MAN2A1: variants seen among roughly 807,000 people sequenced by gnomAD.
The protein encoded by MAN2A1 is alpha-mannosidase 2.
Under a neutral mutation model 142.6 loss-of-function variants are expected in MAN2A1, and 76 were observed. The ratio of observed to expected loss-of-function variants is 0.53; its 90% CI spans 0.44 to 0.65. The LOEUF (loss-of-function observed/expected upper bound fraction) is 0.65, where lower values mean the gene tolerates loss of function less well. Among genes scored for constraint, MAN2A1 ranks in the 30% least tolerant of loss-of-function variants. The pLI, the probability that MAN2A1 is intolerant of heterozygous loss-of-function variation, is 0.00. For missense variants in MAN2A1, 1,311 were observed against 1,365.1 expected (o/e 0.96, Z 0.62); for synonymous variants, 559 against 473.2 (o/e 1.18, Z -2.35).
chr5:109,756,586 A>G lies in MAN2A1; in HGVS notation c.835+1130A>G, dbSNP rs561999403. Among the ~76,000 whole-genome samples the G allele has an allele frequency of 3.3e-5, 5 of 152,302 alleles. 1 individual carries two copies. The South Asian group carries it at 8.3e-4, about 25-fold the overall frequency. ...CATAAACCCTTCACCCAGATTTACC[A>G]GTTGTTAACATTTTGACACATTTAC... is the stretch of plus-strand genomic sequence containing the variant. On this transcript the variant is annotated intron_variant, in intron 5 of 21. Transcript: ENST00000261483.
At chr5:109,865,008 G>A (rs772028940) in intron 20 of MAN2A1, 28 bp from the exon 21 acceptor site, 209 of 1,442,710 alleles carry the variant, frequency 1.4e-4, no homozygotes, top group Middle Eastern at 8.7e-4. Flanking sequence ...TTGTCTGCGC[G>A]GTGTGACTGC....
intron 7 of MAN2A1, among the ~76,000 whole-genome samples, chr5:109,772,968 G>A (rs1753188854): frequency 6.6e-6 from 1 of 152,094 alleles, no homozygotes; most frequent in African/African-American, 2.4e-5. Flanking sequence ...TATATTTTAA[G>A]TTGGCTTTTT....
intron 4 of MAN2A1, among the ~76,000 whole-genome samples, chr5:109,734,415 T>C (rs961947988): frequency 5.9e-5 from 9 of 152,074 alleles, no homozygotes; most frequent in African/African-American, 2.2e-4. Flanking sequence ...TCTGCTAGCT[T>C]TTGAATGTGT....
At chr5:109,709,457 G>C (rs751882376) in intron 1 of MAN2A1, among the ~76,000 whole-genome samples, 2 of 152,208 alleles carry the variant, frequency 1.3e-5, no homozygotes, top group Non-Finnish European at 2.9e-5. Flanking sequence ...CAGGGAGAAG[G>C]AAAGGCACAC....
chr5:109,702,351 GTC>G (rs1751012368), intron 1 of MAN2A1, among the ~76,000 whole-genome samples: 2 of 148,000 alleles, frequency 1.4e-5, no homozygotes, highest in East Asian at 3.9e-4. Context: ...GTGTGTGTGT[GTC>G]TGTGTGTGTA....
At chr5:109,819,601 A>T in intron 13 of MAN2A1, 68 bp from the exon 14 acceptor site, 1 of 951,706 alleles carries the variant, frequency 1.1e-6, no homozygotes, top group Non-Finnish European at 1.5e-6. Context: ...TTTACCAAAA[A>T]TATAAATGGT....
chr5:109,850,937 AAG>A (rs1485952169), intron 19 of MAN2A1, among the ~76,000 whole-genome samples: 1 of 152,224 alleles, frequency 6.6e-6, no homozygotes, highest in East Asian at 1.9e-4. Context: ...AATAATTAAA[AAG>A]ACACTTAATT....
rs370531945 is a variant in MAN2A1, at chr5:109,842,386, C to T, written c.2625C>T (p.Asn875=). ...TTGTGGACATCCGAAAAGTATATAA[C>T]CGTGAGATTGCAATGAAAATTTCTT... ...SNIVDIRKVY[N]REIAMKISSD... is the part of the protein sequence containing the mutation. The change falls in exon 17 of 22, where the codon AAC becomes AAT. Residue 875 remains asparagine (N), a synonymous_variant. Transcript: ENST00000261483. 163 of 1,590,864 alleles carry T rather than the reference C, an allele frequency of 1.0e-4. 1 individual carries two copies. In the South Asian group the frequency reaches 1.7e-3, roughly 17 times the overall value.
At position 109,689,990 on chromosome 5, in the gene MAN2A1, C is replaced by G. The variant is rs2112528680; in HGVS notation, c.-428C>G. 5.8e-6 allele frequency: 1 copy of G among 172,092 alleles called. No individual in the cohort carries two copies. The allele number at this position is 172,092 out of a possible 1,614,324, so 10.7% of individuals were successfully genotyped here. On this transcript the variant is annotated 5_prime_UTR_variant, in exon 1 of 22. Transcript: ENST00000261483. Reference sequence around the variant, plus strand: ...CGGCCCGGGAGCTGCCGAACCCGCGCCTCCCCTGGGTGAGGAGGACACGCC... The same window carrying G: ...CGGCCCGGGAGCTGCCGAACCCGCGGCTCCCCTGGGTGAGGAGGACACGCC...
At chr5:109,863,956 C>T (rs771830181) in intron 20 of MAN2A1, 2 of 152,158 alleles carry the variant, frequency 1.3e-5, no homozygotes, top group Non-Finnish European at 2.9e-5. Flanking sequence ...TAGGTTATTC[C>T]AGCCAAGACT....
chr5:109,829,557 C>A (rs1393378878), intron 16 of MAN2A1, among the ~76,000 whole-genome samples: 1 of 152,180 alleles, frequency 6.6e-6, no homozygotes, highest in East Asian at 1.9e-4. Context: ...TTGATTGGAC[C>A]ATTTCCACCT....
chr5:109,802,920 A>C (rs1356942543), intron 12 of MAN2A1, among the ~76,000 whole-genome samples: 1 of 152,050 alleles, frequency 6.6e-6, no homozygotes, highest in Admixed American at 6.6e-5. Flanking sequence ...GGCAGTTTAA[A>C]GTTTATGATA....
rs1753240327 is a variant in MAN2A1 at position 109,774,830 on chromosome 5, T to G, written c.1239T>G (p.Leu413=). ...ATCAGTACCGAAAGAAGTCAAAGCTTTTTCGTACCAAAGTTCTCCTGGCTC... is the reference window on the plus strand; with the variant it reads ...ATCAGTACCGAAAGAAGTCAAAGCTGTTTCGTACCAAAGTTCTCCTGGCTC... ...LLDQYRKKSK[L]FRTKVLLAPL... is the part of the protein sequence containing the mutation. Residue 413 remains leucine, a synonymous_variant, in exon 8 of 22, where the codon CTT becomes CTG. Transcript: ENST00000261483. The G allele has an allele frequency of 6.2e-7, 1 of 1,613,042 alleles. No individual in the cohort carries two copies. The highest frequency in any genetic ancestry group is 1.7e-5 in the Admixed American group (1 of 59,868).
chr5:109,864,158 A>G (rs768936779), intron 20 of MAN2A1: 9 of 152,218 alleles, frequency 5.9e-5, no homozygotes, highest in Non-Finnish European at 1.2e-4. Context: ...TTTTATCACA[A>G]TGTCAGTGCT....
chr5:109,696,566 G>A lies in MAN2A1; in HGVS notation c.135+6014G>A, dbSNP rs866751739. ...ATTTTGGGCCAGAGAATTCTTTCGTGTTAAGGGCTGTCCTGTGCGTTGTAG... is the reference window on the plus strand; with the variant it reads ...ATTTTGGGCCAGAGAATTCTTTCGTATTAAGGGCTGTCCTGTGCGTTGTAG... On this transcript the variant is annotated intron_variant, in intron 1 of 21. Coordinates refer to ENST00000261483, the MANE Select transcript of MAN2A1 (RefSeq NM_002372.4). Among the ~76,000 whole-genome samples, 13 of 152,332 alleles carry A rather than the reference G, an allele frequency of 8.5e-5. No individual in the cohort carries two copies. The South Asian group carries it at 1.7e-3, about 19-fold the overall frequency.
chr5:109,841,293 C>T (rs1340524077), intron 16 of MAN2A1, among the ~76,000 whole-genome samples: 1 of 152,146 alleles, frequency 6.6e-6, no homozygotes, highest in East Asian at 1.9e-4. Flanking sequence ...ATCCCTCGCC[C>T]CCCTCCAACC....
chr5:109,844,968 C>T (rs1755309607), intron 17 of MAN2A1, among the ~76,000 whole-genome samples: 1 of 152,110 alleles, frequency 6.6e-6, no homozygotes, highest in Admixed American at 6.6e-5. Context: ...CTAGTACAAC[C>T]AGTAATTTGA....
intron 16 of MAN2A1, among the ~76,000 whole-genome samples, chr5:109,825,859 T>C (rs1353246344): frequency 6.6e-6 from 1 of 151,760 alleles, no homozygotes; most frequent in African/African-American, 2.4e-5. Context: ...TCTGCCTCTT[T>C]TCTCTTTTTT....
chr5:109,834,097 C>A (rs148497735), intron 16 of MAN2A1, among the ~76,000 whole-genome samples: 1 of 152,122 alleles, frequency 6.6e-6, no homozygotes, highest in Non-Finnish European at 1.5e-5. Flanking sequence ...TATGAGGAAT[C>A]TTTTCCTGCC....
Sources: gnomAD v4.1 joint callset for allele counts (sites outside exome capture counted in the v4.1 genomes callset) on GRCh38, gnomAD v4.1.1 for gene constraint, MANE v1.5 for transcripts, NCBI Gene and HGNC (gene_info 2026-07-23, HGNC 2026-07-21) for gene names.